PTPRS: variants seen among roughly 807,000 people sequenced by gnomAD.
PTPRS encodes protein tyrosine phosphatase receptor type S.
PTPRS carries 63 observed loss-of-function variants against 215.3 expected under a neutral mutation model. The ratio of observed to expected loss-of-function variants is 0.29; its 90% CI spans 0.24 to 0.36. The LOEUF (loss-of-function observed/expected upper bound fraction) is 0.36. Among genes scored for constraint, PTPRS ranks in the 10% least tolerant of loss-of-function variants. PTPRS has a pLI of 1.00. For synonymous variants in PTPRS, 1,404 were observed against 1,191.4 expected (o/e 1.18, Z -3.68); for missense variants, 2,258 against 2,825.8 (o/e 0.80, Z 4.56).
chr19:5,272,575 G>A (rs114464776), intron 4 of PTPRS, among the ~76,000 whole-genome samples: 2,101 of 106,208 alleles, frequency 0.02, 62 homozygotes, highest in African/African-American at 0.072. Context: ...TCTGGCCAGC[G>A]CAACAAAGCA....
intron 1 of PTPRS, among the ~76,000 whole-genome samples, chr19:5,326,726 G>GA (rs1201276233): frequency 1.3e-5 from 2 of 149,284 alleles, no homozygotes; most frequent in African/African-American, 2.5e-5. Flanking sequence ...AGAAAAGAAA[G>GA]GAAGAGAAGA....
intron 11 of PTPRS, among the ~76,000 whole-genome samples, chr19:5,243,212 G>A (rs2044198332): frequency 6.6e-6 from 1 of 150,444 alleles, no homozygotes; most frequent in African/African-American, 2.5e-5. Context: ...TTGGCTCATT[G>A]CAAACTCTGC....
intron 1 of PTPRS, among the ~76,000 whole-genome samples, chr19:5,326,413 TCAC>T (rs2050167431): frequency 1.3e-5 from 2 of 152,226 alleles, no homozygotes; most frequent in South Asian, 2.1e-4. Flanking sequence ...TGTTTTGCTC[TCAC>T]CACATTTATT....
rs142918634 is a variant in PTPRS at position 5,220,087 on chromosome 19, C to A, written c.3617G>T (p.Arg1206Leu). Residue 1206 changes from arginine (R) to leucine (L), a missense_variant, in exon 22 of 38, where the codon CGG becomes CTG. This residue lies in a region of PTPRS where 927 missense variants were observed against 1,125.9 expected (regional missense o/e 0.82). Transcript: ENST00000262963. ...AGAGAAGCGAGCTGCAATATAGGGC[C>A]GGGGCACCTCCAGCTGACGCGAGTG... ...LRHSRQLEVPRPYIAARFSVL... is the reference protein window; with the variant it reads ...LRHSRQLEVPLPYIAARFSVL... 3 of 1,613,748 alleles carry A rather than the reference C, an allele frequency of 1.9e-6. No individual in the cohort carries two copies. The African/African-American group carries it at 4.0e-5, about 22-fold the overall frequency.
rs1178744714 is a variant in PTPRS, at chr19:5,338,454, C to A, written c.-95+2210G>T. On this transcript the variant is annotated intron_variant, in intron 1 of 37. Transcript: ENST00000262963. This position sits in a 1 kb window ranked among gnomAD's most constrained non-coding sequence, Gnocchi z 4.2. ...GCTTCCCGGAGGGAAATAATGAAGA[C>A]TCCGCCAGCCTGCCAGCCAGAAAGA... is the stretch of plus-strand genomic sequence containing the variant. 6.6e-6 allele frequency among the ~76,000 whole-genome samples: 1 copy of A among 152,136 alleles called. No homozygotes were observed. Among genetic ancestry groups the A allele is most frequent in the Non-Finnish European group, 1.5e-5 (1 of 68,012 alleles).
intron 4 of PTPRS, 54 bp from the exon 5 acceptor site, chr19:5,265,250 C>T: frequency 6.6e-7 from 1 of 1,521,368 alleles, no homozygotes; most frequent in Admixed American, 2.0e-5. Flanking sequence ...TGCACAGCCA[C>T]TCCTGAGCCT....
chr19:5,224,309 G>A (rs1016420883), intron 17 of PTPRS, among the ~76,000 whole-genome samples: 4 of 152,208 alleles, frequency 2.6e-5, no homozygotes, highest in African/African-American at 9.6e-5. Flanking sequence ...CAAAGGTGTA[G>A]AGCCGGCACT....
rs978644084 is a variant in PTPRS, at chr19:5,332,091, T to C, written c.-95+8573A>G. Among the ~76,000 whole-genome samples, 70 of 151,976 alleles carry C rather than the reference T, an allele frequency of 4.6e-4. 2 individuals carry two copies. Among genetic ancestry groups the C allele is most frequent in the Non-Finnish European group, 2.6e-4 (18 of 67,994 alleles). On this transcript the variant is annotated intron_variant, in intron 1 of 37. Coordinates refer to ENST00000262963, the MANE Select transcript of PTPRS (RefSeq NM_002850.4). ...GGCCCTGGATTTCTGTACTGTGCCA[T>C]GTTAAGATGTTTCAACCCAAGGATG...
chr19:5,258,513 A>T (rs117401383), intron 7 of PTPRS, among the ~76,000 whole-genome samples: 191 of 152,296 alleles, frequency 1.3e-3, no homozygotes, highest in Non-Finnish European at 2.2e-3. Context: ...ACTCATAACC[A>T]TCATTTGATA....
chr19:5,296,586 T>A (rs1005802184), intron 1 of PTPRS, among the ~76,000 whole-genome samples: 3 of 151,550 alleles, frequency 2.0e-5, no homozygotes, highest in Admixed American at 1.3e-4. Flanking sequence ...TGAGAGAAAG[T>A]GAAAGAGGAT....
intron 1 of PTPRS, among the ~76,000 whole-genome samples, chr19:5,337,548 G>A (rs2050545120): frequency 6.6e-6 from 1 of 152,214 alleles, no homozygotes; most frequent in Admixed American, 6.5e-5. Context: ...GCTGTTCAAC[G>A]CCAACCCCGA....
intron 32 of PTPRS, 49 bp downstream of exon 32, chr19:5,211,916 T>C: frequency 6.5e-7 from 1 of 1,549,466 alleles, no homozygotes; most frequent in Non-Finnish European, 8.7e-7. Flanking sequence ...TTTCGGCTCT[T>C]TGGGCCTCCT....
Position 5,314,792 on chromosome 19 carries a change from C to T in PTPRS, c.-95+25872G>A, listed in dbSNP as rs148160703. Among the ~76,000 whole-genome samples the T allele has an allele frequency of 9.8e-3, 1,486 of 152,242 alleles. 20 individuals carry two copies. Among genetic ancestry groups the T allele is most frequent in the African/African-American group, 0.033 (1,378 of 41,534 alleles). On this transcript the variant is annotated intron_variant, in intron 1 of 37. Coordinates refer to ENST00000262963, the MANE Select transcript of PTPRS (RefSeq NM_002850.4). ...AGGGCAGAGAGCTGAAGATTCGAGA[C>T]ATCACAGGTTATCCCTGCTCAACAG...
At chr19:5,224,147 C>G (rs929685952) in intron 17 of PTPRS, among the ~76,000 whole-genome samples, 5 of 148,814 alleles carry the variant, frequency 3.4e-5, no homozygotes, top group African/African-American at 1.3e-4. Context: ...CCACTGCACT[C>G]CAGCCCGGGC....
At chr19:5,333,633 G>A (rs1368948788) in intron 1 of PTPRS, among the ~76,000 whole-genome samples, 1 of 151,848 alleles carries the variant, frequency 6.6e-6, no homozygotes, top group Non-Finnish European at 1.5e-5. Context: ...CCACAAAGCA[G>A]CAGGTGCCAC....
At chr19:5,236,322 G>C (rs1483514530) in intron 13 of PTPRS, among the ~76,000 whole-genome samples, 1 of 152,218 alleles carries the variant, frequency 6.6e-6, no homozygotes, top group African/African-American at 2.4e-5. Context: ...CCTGTCCAGG[G>C]GCATGCAGTG....
intron 9 of PTPRS, chr19:5,250,938 C>A (rs1316133547): frequency 4.7e-4 from 1 of 2,108 alleles, no homozygotes; most frequent in South Asian, 0.011. Context: ...CCAAGGGGTG[C>A]GGGGGCGGCG....
intron 9 of PTPRS, among the ~76,000 whole-genome samples, chr19:5,247,021 A>C (rs916100526): frequency 5.9e-5 from 9 of 151,654 alleles, no homozygotes; most frequent in African/African-American, 2.2e-4. Flanking sequence ...GAGACGAATG[A>C]ATGGGGAGAA....
chr19:5,272,633 A>AAAAAG (rs2146563538), intron 4 of PTPRS, among the ~76,000 whole-genome samples: 1 of 143,858 alleles, frequency 7.0e-6, no homozygotes, highest in Admixed American at 7.1e-5. Context: ...AAAAAAAAAA[A>AAAAAG]AAAAGAATTG....
Sources: allele counts gnomAD v4.1 joint callset (sites outside exome capture counted in the v4.1 genomes callset), GRCh38; gene constraint gnomAD v4.1.1; regional missense constraint gnomAD v4.1.1; non-coding constraint Gnocchi (gnomAD v3.1); transcripts MANE v1.5; gene names NCBI Gene and HGNC (gene_info 2026-07-23, HGNC 2026-07-21).